The following SCUBE2 variants were observed in gnomAD, a reference collection of about 807,000 sequenced individuals.
The protein encoded by SCUBE2 is signal peptide, CUB and EGF-like domain-containing protein 2.
SCUBE2 carries 114 observed loss-of-function variants against 125.9 expected under a neutral mutation model. That is an observed-to-expected ratio of 0.91 (90% CI 0.78 to 1.06). The LOEUF (loss-of-function observed/expected upper bound fraction) is 1.06, where lower values mean the gene tolerates loss of function less well. Ranked by LOEUF, SCUBE2 falls within the 50% of genes least tolerant of loss-of-function variation. The probability of loss-of-function intolerance (pLI) is 0.00; values close to 1 mark genes in which losing one functional copy is unlikely to be tolerated. For missense variants in SCUBE2, 1,255 were observed against 1,301.8 expected, an observed-to-expected ratio of 0.96 and a Z score of 0.55; for synonymous variants, 459 against 492.9, an observed-to-expected ratio of 0.93 and a Z score of 0.91.
chr11:9,021,855 C>T, intron 22 of SCUBE2, 21 bp downstream of exon 22: 3 of 1,582,350 alleles, frequency 1.9e-6, no homozygotes, highest in South Asian at 2.2e-5. Flanking sequence ...ACTGCCATGT[C>T]CACCTGAGCC....
intron 20 of SCUBE2, chr11:9,026,991 A>AGGCTC (rs1855821627): frequency 4.0e-6 from 1 of 249,960 alleles, no homozygotes; most frequent in South Asian, 5.8e-5. Context: ...ATAGGAGGAC[A>AGGCTC]GGTCCCCACC....
At chr11:9,078,633 T>C in intron 3 of SCUBE2, among the ~76,000 whole-genome samples, 1 of 152,218 alleles carries the variant, frequency 6.6e-6, no homozygotes, top group East Asian at 1.9e-4. Context: ...CCTCAGCAGG[T>C]TATCCATATG....
chr11:9,033,158 A>G (rs1856460693), intron 17 of SCUBE2, among the ~76,000 whole-genome samples: 4 of 152,248 alleles, frequency 2.6e-5, no homozygotes, highest in Admixed American at 2.6e-4. Context: ...TTAACATTTT[A>G]TAAGAGATAA....
intron 17 of SCUBE2, among the ~76,000 whole-genome samples, chr11:9,032,903 G>A (rs1640478173): frequency 6.6e-6 from 1 of 152,138 alleles, no homozygotes; most frequent in South Asian, 2.1e-4. Flanking sequence ...TTGCAGTTCA[G>A]TTTGGAGTTA....
chr11:9,068,369 G>A (rs1446673625), intron 5 of SCUBE2, among the ~76,000 whole-genome samples: 1 of 152,154 alleles, frequency 6.6e-6, no homozygotes, highest in Non-Finnish European at 1.5e-5. Flanking sequence ...GCTGCGGCCC[G>A]ATGGTGTAGG....
rs1412263464 is a variant in SCUBE2, at chr11:9,069,486, C to T, written c.527G>A (p.Ser176Asn). ...TCIHRSEEGL[S>N]CMNKDHGCSH... is the part of the protein sequence containing the mutation. ...ACAGCCGTGATCCTTATTCATGCAGCTCAGGCCCTCTGAAAAACAGCAGTG... is the reference window on the plus strand; with the variant it reads ...ACAGCCGTGATCCTTATTCATGCAGTTCAGGCCCTCTGAAAAACAGCAGTG... The change falls in exon 5 of 23, where the codon AGC becomes AAC. Residue 176 changes from serine to asparagine, a missense_variant. Ser to Asn is a conservative substitution (Grantham distance 46). Around this residue, in one of 3 missense-constraint regions of SCUBE2, gnomAD observed 362 missense variants for 323.0 expected, o/e 1.12. Transcript: ENST00000649792. 2 of 1,614,180 alleles carry T rather than the reference C, an allele frequency of 1.2e-6. No individual in the cohort carries two copies. The highest frequency in any genetic ancestry group is 1.7e-6 in the Non-Finnish European group (2 of 1,179,986).
At chr11:9,030,273 A>G (rs2135129833) in intron 18 of SCUBE2, 3 of 564,988 alleles carry the variant, frequency 5.3e-6, no homozygotes, top group Non-Finnish European at 6.3e-6. Context: ...ATCTCCAAAG[A>G]GTTTATGGTT....
At chr11:9,046,267 C>G (rs531133971) in intron 16 of SCUBE2, among the ~76,000 whole-genome samples, 1 of 152,198 alleles carries the variant, frequency 6.6e-6, no homozygotes, top group Non-Finnish European at 1.5e-5. Flanking sequence ...CTTGGCCTCC[C>G]AAAGTGCTGG....
intron 14 of SCUBE2, among the ~76,000 whole-genome samples, chr11:9,049,583 CT>C (rs1198678027): frequency 6.6e-6 from 1 of 152,104 alleles, no homozygotes; most frequent in Non-Finnish European, 1.5e-5. Context: ...CCCTTCACCC[CT>C]GAGGTTTAAA....
At chr11:9,073,255 T>G (rs1376863005) in intron 4 of SCUBE2, among the ~76,000 whole-genome samples, 2 of 151,410 alleles carry the variant, frequency 1.3e-5, no homozygotes, top group African/African-American at 4.9e-5. Context: ...GGCAGGAAAA[T>G]GAAACCCAAC....
chr11:9,047,864 G>T, intron 15 of SCUBE2, 79 bp downstream of exon 15: 1 of 1,473,314 alleles, frequency 6.8e-7, no homozygotes, highest in Non-Finnish European at 9.2e-7. Flanking sequence ...TTTCCCCCAA[G>T]AATAATAAAA....
At chr11:9,054,554 C>T (rs1858803243) in intron 10 of SCUBE2, among the ~76,000 whole-genome samples, 1 of 151,584 alleles carries the variant, frequency 6.6e-6, no homozygotes, top group African/African-American at 2.4e-5. Flanking sequence ...CAAAAGGTAG[C>T]TCCACCTAAA....
intron 5 of SCUBE2, among the ~76,000 whole-genome samples, chr11:9,069,125 C>A (rs1860529282): frequency 6.6e-6 from 1 of 152,238 alleles, no homozygotes. Flanking sequence ...CCCCAACATT[C>A]ACACTCCTTA....
At chr11:9,076,119 T>A (rs1455550406) in intron 3 of SCUBE2, among the ~76,000 whole-genome samples, 1 of 152,106 alleles carries the variant, frequency 6.6e-6, no homozygotes. Flanking sequence ...TGTAGTTGCC[T>A]GATAAAGTGG....
In SCUBE2 at chr11:9,021,153, G is replaced by C. The variant is rs528915083; in HGVS notation, c.2979C>G (p.Pro993=). 47 of 1,612,060 alleles carry C rather than the reference G, an allele frequency of 2.9e-5. No individual in the cohort carries two copies. Among genetic ancestry groups the C allele is most frequent in the African/African-American group, 5.3e-5 (4 of 74,838 alleles). The change falls in exon 23 of 23, where the codon CCC becomes CCG. Residue 993 remains proline, a synonymous_variant. Coordinates refer to ENST00000649792, the MANE Select transcript of SCUBE2 (RefSeq NM_001367977.2). The stretch of plus-strand genomic sequence containing the variant: ...GGGCTGTGTACTTGAAATAGTTCTG[G>C]GGATGGGCCAGGACATCAAACAGAG... ...IKALFDVLAH[P]QNYFKYTAQE... is the part of the protein sequence containing the mutation.
At position 9,040,958 on chromosome 11, in the gene SCUBE2, G is replaced by A. The variant is rs1857186335; in HGVS notation, c.2002+6398C>T. Among the ~76,000 whole-genome samples the A allele has an allele frequency of 2.0e-5, 3 of 152,198 alleles. 1 individual carries two copies. Among genetic ancestry groups the A allele is most frequent in the Admixed American group, 2.0e-4 (3 of 15,282 alleles). ...GGAGGCACTAGTGTATTACCTCTTT[G>A]TCAAACTACATCATGAGACAGAAAC... On this transcript the variant is annotated intron_variant, in intron 16 of 22. Transcript: ENST00000649792.
At chr11:9,038,705 T>C (rs1856952718) in intron 16 of SCUBE2, among the ~76,000 whole-genome samples, 1 of 151,838 alleles carries the variant, frequency 6.6e-6, no homozygotes, top group Non-Finnish European at 1.5e-5. Context: ...AGAAAGGCAG[T>C]GTAGTAGGAA....
chr11:9,087,525 A>AAGAGAGAGAGAAAG (rs150177323), intron 2 of SCUBE2, among the ~76,000 whole-genome samples: 19 of 151,290 alleles, frequency 1.3e-4, no homozygotes, highest in Admixed American at 1.3e-3. Context: ...GGGAGGGGGG[A>AAGAGAGAGAGAAAG]AGAGAGAGAG....
intron 20 of SCUBE2, 61 bp downstream of exon 20, chr11:9,027,303 A>C: frequency 6.5e-7 from 1 of 1,531,228 alleles, no homozygotes; most frequent in Non-Finnish European, 9.0e-7. Flanking sequence ...TGAAAGCCTG[A>C]GGAGCAGGTC....
Sources: gnomAD v4.1 joint callset for allele counts (sites outside exome capture counted in the v4.1 genomes callset) on GRCh38, gnomAD v4.1.1 for gene constraint, gnomAD v4.1.1 regional missense constraint, MANE v1.5 for transcripts, NCBI Gene and HGNC (gene_info 2026-07-23, HGNC 2026-07-21) for gene names.